FYB2: variants seen among roughly 807,000 people sequenced by gnomAD.
FYB2 encodes the protein FYN-binding protein 2.
A neutral mutation model predicts 94.1 loss-of-function variants in FYB2; 103 were observed. That is an observed-to-expected ratio of 1.09 (90% CI 0.93 to 1.29). The LOEUF is 1.29. FYB2 is among the 50% of genes most tolerant of loss of function. The probability of loss-of-function intolerance (pLI) is 0.00; values close to 1 mark genes in which losing one functional copy is unlikely to be tolerated. For missense variants in FYB2, 896 were observed against 841.5 expected (o/e 1.06, Z -0.80); for synonymous variants, 293 against 287.9 (o/e 1.02, Z -0.18).
At chr1:56,779,012 T>C (rs1048670041) in intron 4 of FYB2, among the ~76,000 whole-genome samples, 1 of 151,730 alleles carries the variant, frequency 6.6e-6, no homozygotes, top group Non-Finnish European at 1.5e-5. Context: ...CACAAGAAAA[T>C]ATAAGTACTT....
At chr1:56,746,564 A>T (rs78407366) in intron 9 of FYB2, among the ~76,000 whole-genome samples, 3,808 of 152,090 alleles carry the variant, frequency 0.025, 164 homozygotes, top group African/African-American at 0.088. Flanking sequence ...TATGCACTCT[A>T]TGGTGTCACC....
rs200904819 is a variant in FYB2, at chr1:56,743,491, G to C, written c.1543+535C>G. On this transcript the variant is annotated intron_variant, in intron 11 of 19. Coordinates refer to ENST00000343433, the MANE Select transcript of FYB2 (RefSeq NM_001004303.5). Reference sequence around the variant, plus strand: ...AAGATTAAGAGTCAGTGAAACAAAGGTACCCAGGGGAGGAAAGAGCATTCC... The same window carrying C: ...AAGATTAAGAGTCAGTGAAACAAAGCTACCCAGGGGAGGAAAGAGCATTCC... Among the ~76,000 whole-genome samples the C allele has an allele frequency of 3.5e-4, 54 of 152,160 alleles. 1 individual carries two copies. The East Asian group carries it at 9.1e-3, about 26-fold the overall frequency.
chr1:56,773,002 A>G (rs2100844982), intron 4 of FYB2, among the ~76,000 whole-genome samples: 1 of 152,306 alleles, frequency 6.6e-6, no homozygotes, highest in South Asian at 2.1e-4. Flanking sequence ...TACATTATAA[A>G]ACGTTAATGT....
intron 3 of FYB2, among the ~76,000 whole-genome samples, chr1:56,788,177 T>C (rs1332845375): frequency 6.6e-6 from 1 of 152,204 alleles, no homozygotes; most frequent in Non-Finnish European, 1.5e-5. Context: ...AGTTTGAGAA[T>C]CATGAAGTCA....
In FYB2 at chr1:56,787,045, A is replaced by G. The variant is rs909141875; in HGVS notation, c.953+130T>C. ...ACAAAAGTTACACTTTGTTGCTTAT[A>G]AGTTCACTGCTTCTGAAACCCTTCT... On this transcript the variant is annotated intron_variant, in intron 4 of 19. Coordinates refer to ENST00000343433, the MANE Select transcript of FYB2 (RefSeq NM_001004303.5). The G allele has an allele frequency of 4.4e-5, 43 of 977,446 alleles. No individual in the cohort carries two copies. In the African/African-American group the frequency reaches 6.4e-4, roughly 14 times the overall value. The allele number at this position is 977,446 out of a possible 1,614,324, so 60.5% of individuals were successfully genotyped here.
chr1:56,786,437 A>G (rs1354311694), intron 4 of FYB2, among the ~76,000 whole-genome samples: 1 of 152,220 alleles, frequency 6.6e-6, no homozygotes, highest in Non-Finnish European at 1.5e-5. Context: ...TTACCATTGT[A>G]AACATTTGAT....
At chr1:56,800,786 T>C (rs929144257) in intron 1 of FYB2, among the ~76,000 whole-genome samples, 1 of 152,172 alleles carries the variant, frequency 6.6e-6, no homozygotes, top group African/African-American at 2.4e-5. Context: ...CCCTCAGCCA[T>C]GACACTGCCT....
chr1:56,731,623 T>C (rs952016901), intron 15 of FYB2, among the ~76,000 whole-genome samples: 1 of 152,198 alleles, frequency 6.6e-6, no homozygotes, highest in South Asian at 2.1e-4. Context: ...CCCTCCATGG[T>C]CATATTGATG....
chr1:56,801,166 A>T (rs1397601845), intron 1 of FYB2, among the ~76,000 whole-genome samples: 1 of 152,036 alleles, frequency 6.6e-6, no homozygotes, highest in African/African-American at 2.4e-5. Flanking sequence ...TTTTTGCTCT[A>T]ACTCGAACTC....
At chr1:56,759,042 T>C (rs142945589) in intron 5 of FYB2, among the ~76,000 whole-genome samples, 336 of 152,188 alleles carry the variant, frequency 2.2e-3, no homozygotes, top group African/African-American at 7.7e-3. Context: ...AAGAAAGCAC[T>C]AAAATTTAGT....
chr1:56,719,855 AGTAATAAAG>A (rs1644452115), intron 19 of FYB2, among the ~76,000 whole-genome samples, 158 bp downstream of exon 19: 1 of 152,142 alleles, frequency 6.6e-6, no homozygotes. Context: ...CAGGAGAGAC[AGTAATAAAG>A]TCTCTTCCAA....
chr1:56,808,743 C>T lies in FYB2; in HGVS notation c.9+10539G>A, dbSNP rs191519786. On this transcript the variant is annotated intron_variant, in intron 1 of 19. Transcript: ENST00000343433. ...GTATGCTGTAATAGAAAAGCATTAA[C>T]TAGGAGAGCACTGAGTAGATCTGTA... 2.0e-5 allele frequency among the ~76,000 whole-genome samples: 3 copies of T among 152,306 alleles called. No individual in the cohort carries two copies. The East Asian group carries it at 5.8e-4, about 29-fold the overall frequency.
chr1:56,720,599 C>A, intron 17 of FYB2: 1 of 251,344 alleles, frequency 4.0e-6, no homozygotes. Context: ...TTTTTTCTCT[C>A]AAATCTTTTT....
intron 1 of FYB2, among the ~76,000 whole-genome samples, chr1:56,814,556 C>T (rs1163135138): frequency 6.6e-6 from 1 of 152,192 alleles, no homozygotes; most frequent in African/African-American, 2.4e-5. Flanking sequence ...TTCAAGAGGA[C>T]TCTGAGGTGC....
In FYB2 at chr1:56,817,145, CT is replaced by C. The variant is rs200122100; in HGVS notation, c.9+2136del. ...AATGCCCAGGTGGCTCTCCATTTCG[CT>C]CAGAGGAAATGCTTGAGTTTCAACA... On this transcript the variant is annotated intron_variant, in intron 1 of 19. Coordinates refer to ENST00000343433, the MANE Select transcript of FYB2 (RefSeq NM_001004303.5). 7.5e-3 allele frequency among the ~76,000 whole-genome samples: 1,142 copies of C among 152,314 alleles called. 4 individuals are homozygous for C. The highest frequency in any genetic ancestry group is 0.01 in the Middle Eastern group (3 of 294).
At chr1:56,789,725 G>A (rs1283895750) in intron 2 of FYB2, among the ~76,000 whole-genome samples, 3 of 152,252 alleles carry the variant, frequency 2.0e-5, no homozygotes, top group Non-Finnish European at 4.4e-5. Flanking sequence ...TGGAGGCACT[G>A]GTCTATGTTC....
intron 4 of FYB2, among the ~76,000 whole-genome samples, chr1:56,771,610 AGTTAGG>A (rs1353754510): frequency 3.3e-5 from 5 of 152,120 alleles, no homozygotes; most frequent in African/African-American, 1.2e-4. Flanking sequence ...AGGGGACTAG[AGTTAGG>A]GTTAGGGTTA....
chr1:56,742,775 T>C (rs187270560), intron 11 of FYB2, among the ~76,000 whole-genome samples: 1 of 152,162 alleles, frequency 6.6e-6, no homozygotes, highest in Admixed American at 6.5e-5. Context: ...CACACAATGA[T>C]CTTAGAGGAG....
intron 2 of FYB2, among the ~76,000 whole-genome samples, chr1:56,790,612 C>T (rs1646238626): frequency 6.6e-6 from 1 of 152,102 alleles, no homozygotes; most frequent in Non-Finnish European, 1.5e-5. Flanking sequence ...TTACTATATT[C>T]CAGGTATTGT....
Sources: allele counts gnomAD v4.1 joint callset (sites outside exome capture counted in the v4.1 genomes callset), GRCh38; gene constraint gnomAD v4.1.1; transcripts MANE v1.5; gene names NCBI Gene and HGNC (gene_info 2026-07-23, HGNC 2026-07-21).